DYM: variants seen among roughly 807,000 people sequenced by gnomAD.
The protein encoded by DYM is dyggve-Melchior-Clausen syndrome protein.
Under a neutral mutation model 93.1 loss-of-function variants are expected in DYM, and 78 were observed. The ratio of observed to expected loss-of-function variants is 0.84; its 90% CI spans 0.70 to 1.01. The LOEUF is 1.01. DYM is among the 50% of genes least tolerant of loss of function. DYM has a pLI of 0.00. For synonymous variants in DYM, 321 were observed against 319.7 expected (o/e 1.00, Z -0.04); for missense variants, 789 against 845.0 (o/e 0.93, Z 0.82).
intron 15 of DYM, among the ~76,000 whole-genome samples, chr18:49,147,782 T>G (rs1017968548): frequency 1.3e-5 from 2 of 152,188 alleles, no homozygotes; most frequent in African/African-American, 4.8e-5. Flanking sequence ...GAAGTCAGTG[T>G]GGCGATTCCT....
intron 1 of DYM, among the ~76,000 whole-genome samples, chr18:49,459,983 T>C (rs925516293): frequency 6.6e-6 from 1 of 151,932 alleles, no homozygotes; most frequent in African/African-American, 2.4e-5. Flanking sequence ...ACCCTGTGAA[T>C]ATACTAAAAA....
intron 13 of DYM, among the ~76,000 whole-genome samples, chr18:49,241,100 T>C (rs2093997948): frequency 6.6e-6 from 1 of 152,184 alleles, no homozygotes; most frequent in Non-Finnish European, 1.5e-5. Context: ...TGATGTCTTA[T>C]TATAAAAGGC....
chr18:49,387,269 T>A (rs1415689260), intron 3 of DYM, among the ~76,000 whole-genome samples: 1 of 149,964 alleles, frequency 6.7e-6, no homozygotes, highest in Non-Finnish European at 1.5e-5. Context: ...TGATCTCTAA[T>A]CAGTGATCTC....
At chr18:49,308,308 ATG>A (rs1333086271) in intron 8 of DYM, among the ~76,000 whole-genome samples, 2 of 141,316 alleles carry the variant, frequency 1.4e-5, no homozygotes, top group Non-Finnish European at 3.1e-5. Flanking sequence ...ATATATATAT[ATG>A]TATATCTTAC....
chr18:49,446,664 A>G (rs1322197381), intron 1 of DYM, among the ~76,000 whole-genome samples: 1 of 152,200 alleles, frequency 6.6e-6, no homozygotes, highest in Non-Finnish European at 1.5e-5. Context: ...AAAGTTGTGA[A>G]GAAGGGAATG....
chr18:49,075,298 C>T (rs368229177), intron 17 of DYM, among the ~76,000 whole-genome samples: 3 of 152,128 alleles, frequency 2.0e-5, no homozygotes, highest in South Asian at 2.1e-4. Flanking sequence ...GAGTGTGCAG[C>T]CCCTGAGGAG....
chr18:49,445,858 G>A (rs1004572801), intron 1 of DYM, among the ~76,000 whole-genome samples: 1 of 152,038 alleles, frequency 6.6e-6, no homozygotes, highest in African/African-American at 2.4e-5. Context: ...AGCAAACTAG[G>A]GGGAGGGAAG....
intron 13 of DYM, among the ~76,000 whole-genome samples, chr18:49,241,392 C>T (rs896651205): frequency 1.3e-5 from 2 of 152,204 alleles, no homozygotes; most frequent in Admixed American, 1.3e-4. Context: ...CAGTCTGAGT[C>T]TCAGTTTCCT....
chr18:49,295,564 G>A (rs1471218393), intron 8 of DYM, among the ~76,000 whole-genome samples: 1 of 152,156 alleles, frequency 6.6e-6, no homozygotes, highest in East Asian at 1.9e-4. Context: ...GGTAAAACAA[G>A]ATTGGAGGAA....
chr18:49,227,561 C>A (rs146342272), intron 13 of DYM, among the ~76,000 whole-genome samples: 1 of 152,136 alleles, frequency 6.6e-6, no homozygotes, highest in African/African-American at 2.4e-5. Flanking sequence ...GAAACATCCA[C>A]AGTCTCTCAC....
chr18:49,174,376 C>G (rs2089139530), intron 14 of DYM, among the ~76,000 whole-genome samples: 1 of 152,078 alleles, frequency 6.6e-6, no homozygotes, highest in Admixed American at 6.6e-5. Flanking sequence ...TAAGTGATGA[C>G]ATACAGAAGT....
At chr18:49,384,323 A>C (rs1270223576) in intron 3 of DYM, among the ~76,000 whole-genome samples, 2 of 21,584 alleles carry the variant, frequency 9.3e-5, no homozygotes, top group Non-Finnish European at 1.3e-4. Flanking sequence ...CCATGTCTCC[A>C]AAAAAAAAAA....
At chr18:49,147,058 T>A (rs1177044754) in intron 15 of DYM, among the ~76,000 whole-genome samples, 1 of 152,052 alleles carries the variant, frequency 6.6e-6, no homozygotes, top group Non-Finnish European at 1.5e-5. Flanking sequence ...TACAACTATC[T>A]GATCTTTGAC....
intron 8 of DYM, among the ~76,000 whole-genome samples, chr18:49,321,724 A>T (rs1171887031): frequency 6.6e-6 from 1 of 151,554 alleles, no homozygotes; most frequent in Non-Finnish European, 1.5e-5. Context: ...ACTATATTTT[A>T]TAAGTCACAA....
At chr18:49,184,348 A>G (rs1256643678) in intron 14 of DYM, among the ~76,000 whole-genome samples, 1 of 152,098 alleles carries the variant, frequency 6.6e-6, no homozygotes, top group Admixed American at 6.5e-5. Flanking sequence ...ACTCCCAACT[A>G]AGATTAGACA....
Position 49,346,655 on chromosome 18 carries a change from G to T in DYM, c.495-12802C>A, listed in dbSNP as rs149274490. On this transcript the variant is annotated intron_variant, in intron 6 of 17. Coordinates refer to ENST00000675505, the MANE Select transcript of DYM (RefSeq NM_001353214.3). Reference sequence around the variant, plus strand: ...TTTAGTATTTAAAATATACCTCAATGAAGTTGTTATTTAAAAAATAAAAAT... The same window carrying T: ...TTTAGTATTTAAAATATACCTCAATTAAGTTGTTATTTAAAAAATAAAAAT... Among the ~76,000 whole-genome samples, 151 of 152,250 alleles carry T rather than the reference G, an allele frequency of 9.9e-4. 2 individuals carry two copies. In the East Asian group the frequency reaches 0.021, roughly 21 times the overall value.
Position 49,040,596 on chromosome 18 carries a change from G to T in DYM, c.*3459C>A, listed in dbSNP as rs2070873827. On this transcript the variant is annotated 3_prime_UTR_variant, in exon 18 of 18. Transcript: ENST00000675505. ...GGAGGTGATGTAGGACACTGGAATT[G>T]TTCTGAATTTGGAGTCAGAAGGCCT... Among the ~76,000 whole-genome samples, 1 of 152,172 alleles carries T rather than the reference G, an allele frequency of 6.6e-6. No individual in the cohort carries two copies. Among genetic ancestry groups the T allele is most frequent in the Admixed American group, 6.5e-5 (1 of 15,280 alleles).
At chr18:49,080,505 G>A (rs1353667629) in intron 17 of DYM, among the ~76,000 whole-genome samples, 5 of 145,740 alleles carry the variant, frequency 3.4e-5, no homozygotes, top group Non-Finnish European at 4.6e-5. Flanking sequence ...GGCTGGCCGG[G>A]CAGAGGGGCT....
In DYM at chr18:49,453,216, C is replaced by T. The variant is rs1024520342; in HGVS notation, c.-54+7182G>A. Among the ~76,000 whole-genome samples, 11 of 148,500 alleles carry T rather than the reference C, an allele frequency of 7.4e-5. 4 individuals are homozygous for T. The highest frequency in any genetic ancestry group is 4.0e-4 in the East Asian group (2 of 5,018). ...GGGGGGACTTGGAGAACTTTTGTGT[C>T]GAGCTCAGGGATTGTACACGCACCA... On this transcript the variant is annotated intron_variant, in intron 1 of 17. Transcript: ENST00000675505.
Sources: allele counts gnomAD v4.1 joint callset (sites outside exome capture counted in the v4.1 genomes callset), GRCh38; gene constraint gnomAD v4.1.1; transcripts MANE v1.5; gene names NCBI Gene and HGNC (gene_info 2026-07-23, HGNC 2026-07-21).